The following EEF2KMT variants were observed in gnomAD, a reference collection of about 807,000 sequenced individuals.
The protein encoded by EEF2KMT is eukaryotic elongation factor 2 lysine methyltransferase.
In EEF2KMT, 30 loss-of-function variants were observed where a neutral mutation model predicts 35.1. The observed-to-expected ratio is 0.85, with a 90% CI of 0.64 to 1.16. The LOEUF (loss-of-function observed/expected upper bound fraction) is 1.16. Among genes scored for constraint, EEF2KMT ranks in the 50% most tolerant of loss-of-function variants. The probability of loss-of-function intolerance (pLI) is 0.00; values close to 1 mark genes in which losing one functional copy is unlikely to be tolerated. For synonymous variants in EEF2KMT, 190 were observed against 187.7 expected (o/e 1.01, Z -0.10); for missense variants, 499 against 438.2 (o/e 1.14, Z -1.24).
rs1957306871 is a variant in EEF2KMT at position 5,090,038 on chromosome 16, G to C, written c.742+46C>G. The C allele has an allele frequency of 6.3e-7, 1 of 1,598,042 alleles. No individual in the cohort carries two copies. The highest frequency in any genetic ancestry group is 1.3e-5 in the African/African-American group (1 of 74,844). ...TTCCCAGAGCCAAGAGCTGGGTAGAGCTGCAAGGACACCACCTGCACAGGG... is the reference window on the plus strand; with the variant it reads ...TTCCCAGAGCCAAGAGCTGGGTAGACCTGCAAGGACACCACCTGCACAGGG... On this transcript the variant is annotated intron_variant, in intron 6 of 7. Transcript: ENST00000427587. This position sits in a 1 kb window ranked among gnomAD's most constrained non-coding sequence, Gnocchi z 4.1.
chr16:5,092,560 G>T (rs1232990654), intron 3 of EEF2KMT, among the ~76,000 whole-genome samples: 3 of 152,234 alleles, frequency 2.0e-5, no homozygotes, highest in African/African-American at 7.2e-5. Context: ...GCAGGGGATT[G>T]TTTATTTGCT....
chr16:5,084,551 C>G lies in EEF2KMT; in HGVS notation c.*1081G>C. ...ACCAAGTGTGGGAAAGTGGGACATG[C>G]GGGGAAGTTTCCAGAAACTGTGATG... is the stretch of plus-strand genomic sequence containing the variant. On this transcript the variant is annotated 3_prime_UTR_variant, in exon 8 of 8. Coordinates refer to ENST00000427587, the MANE Select transcript of EEF2KMT (RefSeq NM_201400.4). The G allele has an allele frequency of 1.2e-6, 1 of 850,866 alleles. No individual in the cohort carries two copies. The highest frequency in any genetic ancestry group is 1.8e-6 in the Non-Finnish European group (1 of 542,058). The allele number at this position is 850,866 out of a possible 1,614,324, so 52.7% of individuals were successfully genotyped here. A position where few individuals can be genotyped will look rare whatever the true frequency, so the allele number is the denominator to read the frequency against.
rs1185916231 is a variant in EEF2KMT, at chr16:5,097,772, C to T, written c.-33G>A. 3 of 1,537,244 alleles carry T rather than the reference C, an allele frequency of 2.0e-6. No individual in the cohort carries two copies. The highest frequency in any genetic ancestry group is 3.9e-5 in the Admixed American group (2 of 51,166). ...GCGGGGCCGCAGCGTTGCCGGCAGA[C>T]CGGGCGGAAGCCCGGCCTGGACTGA... On this transcript the variant is annotated 5_prime_UTR_variant, in exon 1 of 8. Transcript: ENST00000427587.
At chr16:5,089,424 A>G (rs1596273470) in intron 6 of EEF2KMT, 168 bp from the exon 7 acceptor site, 2 of 916,490 alleles carry the variant, frequency 2.2e-6, no homozygotes, top group East Asian at 5.3e-5. Flanking sequence ...GTGAAAAAGG[A>G]GAACCCTTAG....
intron 2 of EEF2KMT, 144 bp from the exon 3 acceptor site, chr16:5,093,708 C>A: frequency 1.3e-6 from 2 of 1,492,160 alleles, no homozygotes; most frequent in African/African-American, 1.4e-5. Flanking sequence ...TGGCCCCATG[C>A]ATCTGAAGTT....
At chr16:5,091,200 G>C (rs1293330419) in intron 4 of EEF2KMT, among the ~76,000 whole-genome samples, 2 of 152,250 alleles carry the variant, frequency 1.3e-5, no homozygotes, top group East Asian at 3.9e-4. Flanking sequence ...TCCTGCCTCA[G>C]CCTCCCTAGT....
At position 5,084,571 on chromosome 16, in the gene EEF2KMT, G is replaced by T. The variant is rs1957082476; in HGVS notation, c.*1061C>A. ...ACATGCGGGGAAGTTTCCAGAAACT[G>T]TGATGTCAAGTTGGAGGCGGAGTGC... On this transcript the variant is annotated 3_prime_UTR_variant, in exon 8 of 8. Transcript: ENST00000427587. 2 of 994,380 alleles carry T rather than the reference G, an allele frequency of 2.0e-6. No individual in the cohort carries two copies. Among genetic ancestry groups the T allele is most frequent in the South Asian group, 2.9e-5 (2 of 68,090 alleles). The allele number at this position is 994,380 out of a possible 1,614,324, so 61.6% of individuals were successfully genotyped here. A position where few individuals can be genotyped will look rare whatever the true frequency, so the allele number is the denominator to read the frequency against.
intron 1 of EEF2KMT, among the ~76,000 whole-genome samples, chr16:5,096,150 T>A (rs1957459761): frequency 6.6e-6 from 1 of 152,080 alleles, no homozygotes; most frequent in Non-Finnish European, 1.5e-5. Flanking sequence ...CCACAGGGCC[T>A]TTGCATATCC....
At chr16:5,087,628 A>G (rs1957225502) in intron 7 of EEF2KMT, among the ~76,000 whole-genome samples, 2 of 151,782 alleles carry the variant, frequency 1.3e-5, no homozygotes, top group African/African-American at 2.4e-5. Context: ...CGAAACCTCA[A>G]CTCTACAAAC....
At chr16:5,089,551 C>A (rs995774042) in intron 6 of EEF2KMT, 2 of 504,790 alleles carry the variant, frequency 4.0e-6, no homozygotes, top group East Asian at 3.8e-5. Context: ...GACACAAAGC[C>A]TGACCCTGCC....
At position 5,084,731 on chromosome 16, in the gene EEF2KMT, G is replaced by A; in HGVS notation, c.*901C>T. On this transcript the variant is annotated 3_prime_UTR_variant, in exon 8 of 8. Coordinates refer to ENST00000427587, the MANE Select transcript of EEF2KMT (RefSeq NM_201400.4). ...GGGGACAGGCAATGAGGTAAGCTCT[G>A]CTCTTTATTTTTTTGCAGATGCTTT... The A allele has an allele frequency of 1.9e-6, 3 of 1,596,458 alleles. No homozygotes were observed. Among genetic ancestry groups the A allele is most frequent in the Non-Finnish European group, 2.5e-6 (3 of 1,179,768 alleles).
rs199836524 is a variant in EEF2KMT, at chr16:5,093,512, C to T, written c.212G>A (p.Arg71Gln). Reference protein sequence around the residue: ...VKHPPSVKYARCFLSELIKKH... With the variant: ...VKHPPSVKYAQCFLSELIKKH... ...TTTGATGAGTTCTGAGAGAAAGCAC[C>T]GGGCATATTTGACGGACGGCGGGTG... Residue 71 changes from arginine to glutamine, a missense_variant, in exon 3 of 8, where the codon CGG (arginine) becomes CAG (glutamine). Transcript: ENST00000427587. The T allele has an allele frequency of 1.4e-5, 22 of 1,611,878 alleles. No individual in the cohort carries two copies. The highest frequency in any genetic ancestry group is 4.5e-5 in the East Asian group (2 of 44,888).
chr16:5,095,872 G>C, intron 1 of EEF2KMT, among the ~76,000 whole-genome samples: 1 of 121,588 alleles, frequency 8.2e-6, no homozygotes. Flanking sequence ...ATACCAGCCT[G>C]AGTTACATTA....
In EEF2KMT at chr16:5,085,744, G is replaced by C. The variant is rs1567174803; in HGVS notation, c.893-12C>G. The C allele has an allele frequency of 1.3e-6, 2 of 1,598,172 alleles. No homozygotes were observed. The highest frequency in any genetic ancestry group is 1.3e-5 in the African/African-American group (1 of 74,670). ...GATCCCGGCCCGGCCTGGAAACAGA[G>C]CACATGTGTTTGAGGATGGCGGTGT... On this transcript the variant is annotated splice_polypyrimidine_tract_variant and intron_variant, in intron 7 of 7. Transcript: ENST00000427587.
chr16:5,087,816 A>G (rs1361620837), intron 7 of EEF2KMT, among the ~76,000 whole-genome samples: 1 of 151,468 alleles, frequency 6.6e-6, no homozygotes, highest in African/African-American at 2.4e-5. Context: ...AAAAAAAAAA[A>G]AAAAAGGTGG....
In EEF2KMT at chr16:5,091,847, C is replaced by T. The variant is rs564731840; in HGVS notation, c.289G>A (p.Ala97Thr). 6.2e-7 allele frequency: 1 copy of T among 1,611,910 alleles called. No homozygotes were observed. The highest frequency in any genetic ancestry group is 1.3e-5 in the African/African-American group (1 of 74,980). ...EPLDELYEAL[A>T]ETLMAKESTQ... Reference sequence around the variant, plus strand: ...GACTCCTTGGCCATCAGGGTCTCCGCCAGCGCTTCATACAGCTCGTCCAAA... The same window carrying T: ...GACTCCTTGGCCATCAGGGTCTCCGTCAGCGCTTCATACAGCTCGTCCAAA... Residue 97 changes from alanine to threonine, a missense_variant, in exon 4 of 8, where the codon GCG becomes ACG. Transcript: ENST00000427587.
At chr16:5,091,466 C>T (rs538535810) in intron 4 of EEF2KMT, among the ~76,000 whole-genome samples, 113 of 152,296 alleles carry the variant, frequency 7.4e-4, no homozygotes, top group African/African-American at 2.2e-3. Flanking sequence ...GCAACCACTT[C>T]GGCCTCCCAA....
At chr16:5,096,980 G>A (rs3890148) in intron 1 of EEF2KMT, among the ~76,000 whole-genome samples, 108,362 of 152,072 alleles carry the variant, frequency 0.71, 38,844 homozygotes, top group Middle Eastern at 0.78. Flanking sequence ...ACCCAGGGAG[G>A]AATATATATC....
In EEF2KMT at chr16:5,090,391, G is replaced by T; in HGVS notation, c.476+41C>A. On this transcript the variant is annotated intron_variant, in intron 5 of 7. Transcript: ENST00000427587. The surrounding 1 kb of genome is among the most constrained non-coding windows in gnomAD (Gnocchi z 4.1). The stretch of plus-strand genomic sequence containing the variant: ...GGACCGTGTCTGCGACTGCACCAGG[G>T]TAAGCCTGCCTCGGTGCCCTGCCCT... 1 of 1,612,014 alleles carries T rather than the reference G, an allele frequency of 6.2e-7. No homozygotes were observed.
Sources: allele counts gnomAD v4.1 joint callset (sites outside exome capture counted in the v4.1 genomes callset), GRCh38; gene constraint gnomAD v4.1.1; non-coding constraint Gnocchi (gnomAD v3.1); transcripts MANE v1.5; gene names NCBI Gene and HGNC (gene_info 2026-07-23, HGNC 2026-07-21).